The following SNX31 variants were observed in gnomAD, a reference collection of about 807,000 sequenced individuals.
The protein encoded by SNX31 is sorting nexin-31.
A neutral mutation model predicts 65.4 loss-of-function variants in SNX31; 58 were observed. The observed-to-expected ratio is 0.89, with a 90% CI of 0.72 to 1.10. SNX31 has a LOEUF of 1.10. SNX31 is among the 50% of genes least tolerant of loss of function. The pLI is 0.00. For synonymous variants in SNX31, 181 were observed against 190.1 expected, an observed-to-expected ratio of 0.95 and a Z score of 0.39; for missense variants, 523 against 529.7, an observed-to-expected ratio of 0.99 and a Z score of 0.12.
At chr8:100,620,039 T>C (rs1161565196) in intron 4 of SNX31, 2 of 152,258 alleles carry the variant, frequency 1.3e-5, no homozygotes, top group Non-Finnish European at 1.5e-5. Context: ...TTCTGTATCA[T>C]GTTTAAAATA....
rs763703887 is a variant in SNX31 at position 100,576,959 on chromosome 8, GA to G, written c.1227+59del. 9 of 1,380,606 alleles carry G rather than the reference GA, an allele frequency of 6.5e-6. No homozygotes were observed. Among genetic ancestry groups the G allele is most frequent in the Non-Finnish European group, 8.1e-6 (8 of 983,168 alleles). The allele number at this position is 1,380,606 out of a possible 1,614,324, so 85.5% of individuals were successfully genotyped here. The stretch of plus-strand genomic sequence containing the variant: ...AAGTGAGATGACTTTGGTTAAAGAG[GA>G]AAAAAGATCAGATTTATCAAAATTA... On this transcript the variant is annotated intron_variant, in intron 13 of 13. Transcript: ENST00000311812. The surrounding 1 kb of genome is among the most constrained non-coding windows in gnomAD (Gnocchi z 4.8).
Position 100,613,440 on chromosome 8 carries a change from T to C in SNX31, c.433-355A>G, listed in dbSNP as rs1816893284. Reference sequence around the variant, plus strand: ...CATGTTCCATGAACATCTGTCCTTCTGTGATGTCTGTCCCTGGAACCTGCA... The same window carrying C: ...CATGTTCCATGAACATCTGTCCTTCCGTGATGTCTGTCCCTGGAACCTGCA... On this transcript the variant is annotated intron_variant, in intron 5 of 13. Transcript: ENST00000311812. The surrounding 1 kb of genome is among the most constrained non-coding windows in gnomAD (Gnocchi z 5.2). Among the ~76,000 whole-genome samples the C allele has an allele frequency of 6.6e-6, 1 of 152,224 alleles. No individual in the cohort carries two copies. Among genetic ancestry groups the C allele is most frequent in the Admixed American group, 6.5e-5 (1 of 15,286 alleles).
At chr8:100,661,462 G>C (rs527718381) in intron 1 of SNX31, among the ~76,000 whole-genome samples, 1 of 152,292 alleles carries the variant, frequency 6.6e-6, no homozygotes, top group South Asian at 2.1e-4. Context: ...CTGGAACTGA[G>C]TGTTGGCTCT....
In SNX31 at chr8:100,613,144, CTG is replaced by C. The variant is rs1161929598; in HGVS notation, c.433-61_433-60del. 1 of 1,335,852 alleles carries C rather than the reference CTG, an allele frequency of 7.5e-7. No homozygotes were observed. Among genetic ancestry groups the C allele is most frequent in the Non-Finnish European group, 1.1e-6 (1 of 928,796 alleles). 82.7% of individuals were successfully genotyped at this position (1,335,852 alleles called of 1,614,324 possible). A position where few individuals can be genotyped will look rare whatever the true frequency, so the allele number is the denominator to read the frequency against. ...TAGGTGTGCCCACCATGCATCCTAA[CTG>C]TGACATGCAGACTTGGAAATGGCCG... is the stretch of plus-strand genomic sequence containing the variant. On this transcript the variant is annotated intron_variant, in intron 5 of 13. Transcript: ENST00000311812. The surrounding 1 kb of genome is among the most constrained non-coding windows in gnomAD (Gnocchi z 5.2).
intron 9 of SNX31, among the ~76,000 whole-genome samples, chr8:100,599,849 T>A (rs1815455888): frequency 1.3e-5 from 2 of 152,192 alleles, no homozygotes; most frequent in Non-Finnish European, 2.9e-5. Context: ...TCCTAAGGAA[T>A]AATAGAACAC....
At chr8:100,616,747 T>A (rs1485231431) in intron 5 of SNX31, among the ~76,000 whole-genome samples, 1 of 151,916 alleles carries the variant, frequency 6.6e-6, no homozygotes, top group Non-Finnish European at 1.5e-5. Flanking sequence ...CAGGAATAGG[T>A]TAAGTCAAGG....
intron 1 of SNX31, among the ~76,000 whole-genome samples, chr8:100,662,055 C>G (rs965791791): frequency 3.3e-5 from 5 of 152,136 alleles, no homozygotes; most frequent in Non-Finnish European, 7.3e-5. Context: ...GAACTCCTGG[C>G]CTCAAGTGAT....
intron 2 of SNX31, among the ~76,000 whole-genome samples, chr8:100,646,739 T>C (rs1819667651): frequency 1.3e-5 from 2 of 152,216 alleles, no homozygotes; most frequent in Non-Finnish European, 2.9e-5. Flanking sequence ...CCAAAATTCA[T>C]TACACTGAAC....
intron 12 of SNX31, among the ~76,000 whole-genome samples, chr8:100,582,980 TAA>T (rs1314202833): frequency 1.4e-5 from 2 of 140,416 alleles, no homozygotes; most frequent in Non-Finnish European, 1.6e-5. Flanking sequence ...AGACTCCATC[TAA>T]AAAAAAAAAG....
chr8:100,643,367 A>G (rs7831559), intron 2 of SNX31, among the ~76,000 whole-genome samples: 73,105 of 151,834 alleles, frequency 0.48, 17,911 homozygotes, highest in African/African-American at 0.56. Context: ...CTATGCCAAA[A>G]TGGTGATGGC....
At chr8:100,589,361 G>C (rs1401012395) in intron 10 of SNX31, among the ~76,000 whole-genome samples, 1 of 151,226 alleles carries the variant, frequency 6.6e-6, no homozygotes, top group Non-Finnish European at 1.5e-5. Flanking sequence ...GAGGGAGACT[G>C]TCCCTATTTC....
In SNX31 at chr8:100,660,424, T is replaced by A; in HGVS notation, c.-58+2718A>T. ...TATTTTAAATTTACTTCATTTGAGTTATCAGCCACTAATGTATGCTGTTTC... is the reference window on the plus strand; with the variant it reads ...TATTTTAAATTTACTTCATTTGAGTAATCAGCCACTAATGTATGCTGTTTC... On this transcript the variant is annotated intron_variant, in intron 1 of 5. Transcript: ENST00000520352. This position sits in a 1 kb window ranked among gnomAD's most constrained non-coding sequence, Gnocchi z 4.1. Among the ~76,000 whole-genome samples, 1 of 152,246 alleles carries A rather than the reference T, an allele frequency of 6.6e-6. No homozygotes were observed. The highest frequency in any genetic ancestry group is 1.9e-4 in the East Asian group (1 of 5,200).
intron 8 of SNX31, among the ~76,000 whole-genome samples, chr8:100,600,831 T>C (rs1050628575): frequency 1.3e-5 from 2 of 152,190 alleles, no homozygotes; most frequent in Non-Finnish European, 2.9e-5. Context: ...AATAGTCATA[T>C]ATAATTATGT....
At position 100,612,724 on chromosome 8, in the gene SNX31, G is replaced by A. The variant is rs184743850; in HGVS notation, c.523+271C>T. On this transcript the variant is annotated intron_variant, in intron 6 of 13. Coordinates refer to ENST00000311812, the MANE Select transcript of SNX31 (RefSeq NM_152628.4). The surrounding 1 kb of genome is among the most constrained non-coding windows in gnomAD (Gnocchi z 4.3). Reference sequence around the variant, plus strand: ...CAGGCGAGTGGTCAGTGGTCAGGCCGGGCCTGCGGTAAAGGGGAGGGGGTC... The same window carrying A: ...CAGGCGAGTGGTCAGTGGTCAGGCCAGGCCTGCGGTAAAGGGGAGGGGGTC... Among the ~76,000 whole-genome samples the A allele has an allele frequency of 4.1e-3, 625 of 152,254 alleles. 5 individuals carry two copies. Among genetic ancestry groups the A allele is most frequent in the Admixed American group, 0.028 (424 of 15,296 alleles).
chr8:100,646,805 T>C (rs1563587191), intron 2 of SNX31, among the ~76,000 whole-genome samples: 1 of 152,184 alleles, frequency 6.6e-6, no homozygotes, highest in Non-Finnish European at 1.5e-5. Flanking sequence ...AGTAAAAGTA[T>C]GTTAGTTTAG....
At chr8:100,646,086 A>C (rs1819615227) in intron 2 of SNX31, among the ~76,000 whole-genome samples, 1 of 152,190 alleles carries the variant, frequency 6.6e-6, no homozygotes, top group Non-Finnish European at 1.5e-5. Flanking sequence ...ATCGGGGCCA[A>C]GGGTAAACTT....
intron 10 of SNX31, among the ~76,000 whole-genome samples, chr8:100,591,131 T>C (rs1044914831): frequency 6.6e-6 from 1 of 152,058 alleles, no homozygotes; most frequent in African/African-American, 2.4e-5. Flanking sequence ...GATCTACGCG[T>C]GTATAGAGTA....
chr8:100,597,780 T>C (rs1299315576), intron 9 of SNX31, among the ~76,000 whole-genome samples: 1 of 152,212 alleles, frequency 6.6e-6, no homozygotes, highest in African/African-American at 2.4e-5. Context: ...ACCTAAGAAC[T>C]GAGGACAGTT....
chr8:100,609,554 G>A lies in SNX31; in HGVS notation c.612-991C>T, dbSNP rs897500127. ...AATTAATGACTGTAGAAGCACAGTA[G>A]CATGTTAAGAAGGGACTGAAACTGT... On this transcript the variant is annotated intron_variant, in intron 7 of 13. Transcript: ENST00000311812. The surrounding 1 kb of genome is among the most constrained non-coding windows in gnomAD (Gnocchi z 4.9). 6.6e-6 allele frequency among the ~76,000 whole-genome samples: 1 copy of A among 152,150 alleles called. No homozygotes were observed. The highest frequency in any genetic ancestry group is 2.4e-5 in the African/African-American group (1 of 41,418).
Sources: gnomAD v4.1 joint callset for allele counts (sites outside exome capture counted in the v4.1 genomes callset) on GRCh38, gnomAD v4.1.1 for gene constraint, Gnocchi (gnomAD v3.1) non-coding constraint, MANE v1.5 for transcripts, NCBI Gene and HGNC (gene_info 2026-07-23, HGNC 2026-07-21) for gene names.